ATP7A: variants seen among roughly 807,000 people sequenced by gnomAD.
ATP7A encodes copper-transporting ATPase 1.
A neutral mutation model predicts 83.5 loss-of-function variants in ATP7A; 7 were observed. That is an observed-to-expected ratio of 0.08 (90% confidence interval 0.05 to 0.16). The LOEUF is 0.16. Ranked by LOEUF, ATP7A falls within the 10% of genes least tolerant of loss-of-function variation. The pLI, the probability that ATP7A is intolerant of heterozygous loss-of-function variation, is 1.00. For missense variants in ATP7A, 940 were observed against 1,120.8 expected (o/e 0.84, Z 2.30); for synonymous variants, 354 against 395.2 (o/e 0.90, Z 1.24).
chrX:77,951,711 C>CT (rs2077414432), intron 1 of ATP7A, among the ~76,000 whole-genome samples: 1 of 110,679 alleles, frequency 9.0e-6, no homozygotes, highest in Admixed American at 9.7e-5. Context: ...TTCCAAGTAG[C>CT]TTGGACTACA....
In ATP7A at chrX:77,987,444, TTGTGTGTGTGTGTGTGTGTG is replaced by T. The variant is rs3986431; in HGVS notation, c.121-774_121-755del. Among the ~76,000 whole-genome samples the T allele has an allele frequency of 3.5e-5, 3 of 85,864 alleles. No individual in the cohort carries two copies. In the East Asian group the frequency reaches 1.2e-3, roughly 35 times the overall value. 74.6% of individuals were successfully genotyped at this position (85,864 alleles called of 115,157 possible). A position where few individuals can be genotyped will look rare whatever the true frequency, so the allele number is the denominator to read the frequency against. ...AATCTTCTGACTCCCAACCCAGTAT[TTGTGTGTGTGTGTGTGTGTG>T]TGTGTGTGTGTGTGTGTGTGTGTCT... is the stretch of plus-strand genomic sequence containing the variant. On this transcript the variant is annotated intron_variant, in intron 2 of 22. Transcript: ENST00000341514.
intron 1 of ATP7A, among the ~76,000 whole-genome samples, chrX:77,918,711 C>T (rs2077196477): frequency 9.0e-6 from 1 of 111,375 alleles, no homozygotes; most frequent in African/African-American, 3.3e-5. Context: ...TTTGAGACTC[C>T]TACCTTATTT....
At chrX:77,922,356 T>A (rs1347324071) in intron 1 of ATP7A, among the ~76,000 whole-genome samples, 1 of 109,925 alleles carries the variant, frequency 9.1e-6, no homozygotes, top group Non-Finnish European at 1.9e-5. Context: ...AATAAAAAAT[T>A]AGCTGGGCAT....
intron 6 of ATP7A, among the ~76,000 whole-genome samples, chrX:78,005,253 G>T (rs782651045): frequency 5.9e-4 from 66 of 111,617 alleles, no homozygotes; most frequent in African/African-American, 2.1e-3. Context: ...TACTATATTT[G>T]CTTTATCATA....
In ATP7A at chrX:77,947,802, CG is replaced by C. The variant is rs2077389848; in HGVS notation, c.-21-23818del. 7.8e-5 allele frequency among the ~76,000 whole-genome samples: 7 copies of C among 89,557 alleles called. No homozygotes were observed. The South Asian group carries it at 4.0e-3, about 51-fold the overall frequency. 77.8% of individuals were successfully genotyped at this position (89,557 alleles called of 115,157 possible). ...TTGCCCAAGCTGGAGTGCAATGGTG[CG>C]ATCTCAGCTCACTGCAACCTCTGTC... On this transcript the variant is annotated intron_variant, in intron 1 of 22. Transcript: ENST00000341514.
chrX:78,040,739 T>C lies in ATP7A; in HGVS notation c.3801+6T>C, dbSNP rs181665434. Reference sequence around the variant, plus strand: ...CTAGATCTATTGCTTCTCAGGTAATTGATAGGGGTATGTGATAACTTCTAA... The same window carrying C: ...CTAGATCTATTGCTTCTCAGGTAATCGATAGGGGTATGTGATAACTTCTAA... On this transcript the variant is annotated splice_donor_region_variant and intron_variant, in intron 19 of 22. Transcript: ENST00000341514. 7.8e-4 allele frequency: 936 copies of C among 1,206,679 alleles called. No individual in the cohort carries two copies. Among genetic ancestry groups the C allele is most frequent in the South Asian group, 2.0e-3 (112 of 56,776 alleles).
chrX:77,947,759 G>A (rs1320341876), intron 1 of ATP7A, among the ~76,000 whole-genome samples: 3 of 58,670 alleles, frequency 5.1e-5, no homozygotes, highest in Non-Finnish European at 9.0e-5. Context: ...TTTTTTTTGC[G>A]ACAGAGTTTC....
intron 20 of ATP7A, 113 bp downstream of exon 20, chrX:78,042,901 C>A: frequency 1.1e-6 from 1 of 896,703 alleles, no homozygotes; most frequent in Non-Finnish European, 1.6e-6. Flanking sequence ...ATGCTATCAG[C>A]CATTAAGAGT....
intron 1 of ATP7A, among the ~76,000 whole-genome samples, chrX:77,912,083 T>C (rs1281401074): frequency 8.9e-6 from 1 of 112,573 alleles, no homozygotes; most frequent in Non-Finnish European, 1.9e-5. Flanking sequence ...TTTTCAATGG[T>C]TATTTTTGAA....
intron 6 of ATP7A, among the ~76,000 whole-genome samples, chrX:78,008,487 C>T (rs2077792809): frequency 9.0e-6 from 1 of 110,914 alleles, no homozygotes; most frequent in Non-Finnish European, 1.9e-5. Flanking sequence ...ATTAATTTCA[C>T]TGAAAGCTAT....
At chrX:77,946,460 T>C (rs1188908814) in intron 1 of ATP7A, among the ~76,000 whole-genome samples, 3 of 110,823 alleles carry the variant, frequency 2.7e-5, no homozygotes, top group African/African-American at 9.9e-5. Flanking sequence ...AAGCTGATTG[T>C]TCATGAAATA....
chrX:78,002,032 T>C (rs1326895699), intron 5 of ATP7A, among the ~76,000 whole-genome samples: 1 of 110,078 alleles, frequency 9.1e-6, no homozygotes, highest in African/African-American at 3.3e-5. Flanking sequence ...TTGGATTCTT[T>C]GCTACAATTA....
rs782603364 is a variant in ATP7A at position 77,998,663 on chromosome X, C to T, written c.1522C>T (p.Arg508Trp). The stretch of plus-strand genomic sequence containing the variant: ...CGCTTCCTGTGTAGCAAACATTGAA[C>T]GGAATTTAAGGCGGGAAGAAGGTGA... ...TCASCVANIE[R>W]NLRREEGIYS... Residue 508 changes from arginine (R) to tryptophan (W), a missense_variant, in exon 5 of 23, where the codon CGG becomes TGG. Transcript: ENST00000341514. The T allele has an allele frequency of 7.4e-6, 9 of 1,209,780 alleles. No individual in the cohort carries two copies. In the African/African-American group the frequency reaches 1.0e-4, roughly 14 times the overall value.
intron 10 of ATP7A, 139 bp from the exon 11 acceptor site, chrX:78,014,523 A>T: frequency 2.4e-6 from 1 of 420,319 alleles, no homozygotes; most frequent in Non-Finnish European, 4.1e-6. Flanking sequence ...GAAGTGAAAC[A>T]TTTTCATATT....
intron 10 of ATP7A, 137 bp downstream of exon 10, chrX:78,013,249 A>C (rs996413828): frequency 1.7e-6 from 1 of 587,711 alleles, no homozygotes; most frequent in Admixed American, 2.8e-5. Context: ...TTTTGGCAAT[A>C]TTTTAAGTTA....
chrX:78,011,338 C>A, intron 8 of ATP7A, 86 bp downstream of exon 8: 1 of 1,063,903 alleles, frequency 9.4e-7, no homozygotes, highest in African/African-American at 1.8e-5. Context: ...ATAATATCAT[C>A]CTTATACTGG....
rs372604918 is a variant in ATP7A, at chrX:77,962,673, G to A, written c.-21-8948G>A. ...CATTGCTGTGAGTTTAGGCCGGCCC[G>A]TTTTGAGCAGGAGCAGCAGCGGAAC... is the stretch of plus-strand genomic sequence containing the variant. On this transcript the variant is annotated intron_variant, in intron 1 of 22. Coordinates refer to ENST00000341514, the MANE Select transcript of ATP7A (RefSeq NM_000052.7). 65 of 380,083 alleles carry A rather than the reference G, an allele frequency of 1.7e-4. 2 individuals are homozygous for A. The highest frequency in any genetic ancestry group is 7.4e-4 in the African/African-American group (29 of 39,015). The allele number at this position is 380,083 out of a possible 1,213,427, so 31.3% of individuals were successfully genotyped here.
chrX:77,940,349 T>A (rs2077345024), intron 1 of ATP7A, among the ~76,000 whole-genome samples: 1 of 111,295 alleles, frequency 9.0e-6, no homozygotes, highest in Non-Finnish European at 1.9e-5. Context: ...AAAAATTTAG[T>A]ATACTGTATA....
chrX:77,974,497 A>G (rs1557230037), intron 2 of ATP7A, among the ~76,000 whole-genome samples: 1 of 109,251 alleles, frequency 9.2e-6, no homozygotes, highest in African/African-American at 3.3e-5. Context: ...TTTCCCTTGT[A>G]TTATCAAACC....
Sources: allele counts gnomAD v4.1 joint callset (sites outside exome capture counted in the v4.1 genomes callset), GRCh38; gene constraint gnomAD v4.1.1; transcripts MANE v1.5; gene names NCBI Gene and HGNC (gene_info 2026-07-23, HGNC 2026-07-21).